TRHDE: variants seen among roughly 807,000 people sequenced by gnomAD.
TRHDE encodes the protein thyrotropin releasing hormone degrading enzyme.
A neutral mutation model predicts 125.7 loss-of-function variants in TRHDE; 72 were observed. The ratio of observed to expected loss-of-function variants is 0.57; its 90% CI spans 0.47 to 0.70. The LOEUF (loss-of-function observed/expected upper bound fraction) is 0.70. Among genes scored for constraint, TRHDE ranks in the 30% least tolerant of loss-of-function variants. TRHDE has a pLI of 0.00. For missense variants in TRHDE, 1,110 were observed against 1,327.1 expected (o/e 0.84, Z 2.54); for synonymous variants, 509 against 509.1 (o/e 1.00, Z 0.00).
At chr12:72,501,737 G>T (rs562587102) in intron 6 of TRHDE, among the ~76,000 whole-genome samples, 13 of 152,072 alleles carry the variant, frequency 8.5e-5, no homozygotes, top group African/African-American at 3.1e-4. Context: ...CTTTCTCGGA[G>T]AATTTGTATA....
chr12:72,318,575 C>A (rs2135707461), intron 2 of TRHDE, among the ~76,000 whole-genome samples: 1 of 152,166 alleles, frequency 6.6e-6, no homozygotes, highest in East Asian at 1.9e-4. Context: ...AACACCACGG[C>A]CCAGCTGTGA....
At chr12:72,312,053 A>T (rs1868570246) in intron 2 of TRHDE, among the ~76,000 whole-genome samples, 1 of 152,188 alleles carries the variant, frequency 6.6e-6, no homozygotes, top group East Asian at 1.9e-4. Context: ...AGACACTTAA[A>T]ATACATCTTG....
rs191833333 is a variant in TRHDE at position 72,278,199 on chromosome 12, T to C, written c.914+4642T>C. On this transcript the variant is annotated intron_variant, in intron 1 of 18. Transcript: ENST00000261180. Reference sequence around the variant, plus strand: ...TATTACTGAGATCATGCAATATTTGTCTTTTTGTGCCTGGCTTATTCACTT... The same window carrying C: ...TATTACTGAGATCATGCAATATTTGCCTTTTTGTGCCTGGCTTATTCACTT... Among the ~76,000 whole-genome samples the C allele has an allele frequency of 1.2e-4, 18 of 152,312 alleles. No homozygotes were observed. The East Asian group carries it at 3.1e-3, about 26-fold the overall frequency.
At chr12:72,289,316 C>G (rs1880003315) in intron 2 of TRHDE, among the ~76,000 whole-genome samples, 1 of 152,012 alleles carries the variant, frequency 6.6e-6, no homozygotes, top group African/African-American at 2.4e-5. Flanking sequence ...ATCATCATCA[C>G]TGTTATTATT....
chr12:72,316,002 T>C (rs1868783231), intron 2 of TRHDE, among the ~76,000 whole-genome samples: 1 of 152,134 alleles, frequency 6.6e-6, no homozygotes, highest in African/African-American at 2.4e-5. Flanking sequence ...CAGCTGCGGA[T>C]TGAGGCCTGG....
intron 2 of TRHDE, among the ~76,000 whole-genome samples, chr12:72,115,212 C>T (rs1474210236): frequency 6.7e-6 from 1 of 148,610 alleles, no homozygotes; most frequent in Non-Finnish European, 1.5e-5. Context: ...TAACCCTTAC[C>T]ATTCCTTCTT....
At chr12:72,591,035 T>C (rs911332484) in intron 12 of TRHDE, among the ~76,000 whole-genome samples, 3 of 152,230 alleles carry the variant, frequency 2.0e-5, no homozygotes, top group Non-Finnish European at 2.9e-5. Flanking sequence ...CTCACGATCA[T>C]TGCAGAAGGC....
intron 2 of TRHDE, among the ~76,000 whole-genome samples, chr12:72,371,793 G>A (rs1341347434): frequency 7.2e-5 from 11 of 152,052 alleles, no homozygotes; most frequent in Admixed American, 7.2e-4. Context: ...ATCTATCATT[G>A]TTGGACATTT....
intron 2 of TRHDE, among the ~76,000 whole-genome samples, chr12:72,248,126 G>C (rs1878610031): frequency 6.6e-6 from 1 of 152,112 alleles, no homozygotes. Flanking sequence ...AAATTTAATA[G>C]TGAAGTGCTT....
At chr12:72,235,069 T>TCA (rs1878314925) in intron 2 of TRHDE, among the ~76,000 whole-genome samples, 1 of 152,158 alleles carries the variant, frequency 6.6e-6, no homozygotes, top group South Asian at 2.1e-4. Flanking sequence ...GTCATCTGAC[T>TCA]CATCAGAAGA....
chr12:72,225,001 A>G (rs752962458), intron 2 of TRHDE, among the ~76,000 whole-genome samples: 14 of 152,236 alleles, frequency 9.2e-5, no homozygotes, highest in South Asian at 2.1e-4. Flanking sequence ...GTTTACTTTG[A>G]TACTAATAGC....
intron 12 of TRHDE, among the ~76,000 whole-genome samples, chr12:72,614,330 A>ATATATATATATTTT (rs531067163): frequency 0.012 from 1,621 of 129,782 alleles, 38 homozygotes; most frequent in African/African-American, 0.046. Context: ...ATATATATAT[A>ATATATATATATTTT]TTTTTTTTTT....
At chr12:72,202,678 C>T (rs987448076) in intron 2 of TRHDE, among the ~76,000 whole-genome samples, 6 of 152,172 alleles carry the variant, frequency 3.9e-5, no homozygotes, top group Non-Finnish European at 8.8e-5. Context: ...GGAATCTTGA[C>T]CATTCAATAC....
chr12:72,462,458 G>A (rs1876169715), intron 3 of TRHDE, among the ~76,000 whole-genome samples: 1 of 152,158 alleles, frequency 6.6e-6, no homozygotes. Context: ...GCCCTTTCCT[G>A]GGTGGTGTTG....
intron 6 of TRHDE, among the ~76,000 whole-genome samples, chr12:72,519,633 C>T (rs1175089456): frequency 6.6e-6 from 1 of 152,188 alleles, no homozygotes; most frequent in East Asian, 1.9e-4. Context: ...TGAAGCCTTC[C>T]TCTCTCAGCT....
rs769655388 is a variant in TRHDE at position 72,279,165 on chromosome 12, A to G, written c.914+5608A>G. Among the ~76,000 whole-genome samples the G allele has an allele frequency of 1.4e-4, 21 of 152,322 alleles. No individual in the cohort carries two copies. The South Asian group carries it at 1.7e-3, about 12-fold the overall frequency. ...TGTGTATGTGGATGGGCTTGAGCAA[A>G]CAATGCAGGACATGTTTTAGGTGTG... is the stretch of plus-strand genomic sequence containing the variant. On this transcript the variant is annotated intron_variant, in intron 1 of 18. Coordinates refer to ENST00000261180, the MANE Select transcript of TRHDE (RefSeq NM_013381.3).
At chr12:72,354,305 G>A (rs942621283) in intron 2 of TRHDE, among the ~76,000 whole-genome samples, 1 of 151,604 alleles carries the variant, frequency 6.6e-6, no homozygotes, top group African/African-American at 2.4e-5. Flanking sequence ...GTACATGAGA[G>A]TAGTTACTAA....
At chr12:72,147,396 C>T (rs115770860) in intron 2 of TRHDE, among the ~76,000 whole-genome samples, 4,567 of 152,230 alleles carry the variant, frequency 0.03, 117 homozygotes, top group African/African-American at 0.067. Context: ...CCTTGTCACC[C>T]TGGGGAGGCC....
chr12:72,482,255 T>A (rs1877208284), intron 5 of TRHDE, among the ~76,000 whole-genome samples: 1 of 65,386 alleles, frequency 1.5e-5, no homozygotes. Context: ...TTTAGGAAAT[T>A]TTTTTTTATT....
Sources: gnomAD v4.1 joint callset for allele counts (sites outside exome capture counted in the v4.1 genomes callset) on GRCh38, gnomAD v4.1.1 for gene constraint, MANE v1.5 for transcripts, NCBI Gene and HGNC (gene_info 2026-07-23, HGNC 2026-07-21) for gene names.